The following PHF24 variants were observed in gnomAD, a reference collection of about 807,000 sequenced individuals.
PHF24 encodes the protein Galpha inhibitory interacting protein.
A neutral mutation model predicts 42.6 loss-of-function variants in PHF24; 25 were observed. The ratio of observed to expected loss-of-function variants is 0.59; its 90% CI spans 0.43 to 0.82. The LOEUF is 0.82. PHF24 is among the 40% of genes least tolerant of loss of function. The pLI is 0.00. For missense variants in PHF24, 470 were observed against 538.1 expected (o/e 0.87, Z 1.25); for synonymous variants, 185 against 204.8 (o/e 0.90, Z 0.83).
chr9:34,799,774 A>G, the PHF24 span, among the ~76,000 whole-genome samples: 1 of 152,156 alleles, frequency 6.6e-6, no homozygotes, highest in Non-Finnish European at 1.5e-5. Flanking sequence ...AATAAGAGTC[A>G]CTATATCATA....
At chr9:34,763,206 T>C in the PHF24 span, among the ~76,000 whole-genome samples, 1 of 152,334 alleles carries the variant, frequency 6.6e-6, no homozygotes, top group African/African-American at 2.4e-5. Flanking sequence ...CATATGAACT[T>C]TAAAGTAGTT....
At chr9:34,823,055 G>A in the PHF24 span, among the ~76,000 whole-genome samples, 1 of 151,456 alleles carries the variant, frequency 6.6e-6, no homozygotes, top group Non-Finnish European at 1.5e-5. Context: ...AATTAGCCGG[G>A]CGCGGTGGCG....
the PHF24 span, chr9:34,832,702 G>C: frequency 1.3e-6 from 2 of 1,544,420 alleles, no homozygotes; most frequent in Non-Finnish European, 1.8e-6. Flanking sequence ...GGCTTCTTTT[G>C]AGTATGGGCT....
At chr9:34,980,318 C>T (rs1469232057) in exon 8 of PHF24, 1 of 152,252 alleles carries the variant, frequency 6.6e-6, no homozygotes. Context: ...AAAGCAGCCC[C>T]AGAGTTCTTC....
chr9:34,886,779 T>TCTGTCTAC, the PHF24 span, among the ~76,000 whole-genome samples: 1 of 146,700 alleles, frequency 6.8e-6, no homozygotes. Context: ...TGTCTGTCTG[T>TCTGTCTAC]CTACTCTGTC....
At chr9:34,936,224 A>G in the PHF24 span, among the ~76,000 whole-genome samples, 1 of 152,064 alleles carries the variant, frequency 6.6e-6, no homozygotes, top group East Asian at 1.9e-4. Context: ...GCGCGCCGCC[A>G]CGCCTGACTG....
chr9:34,785,926 C>A, the PHF24 span, among the ~76,000 whole-genome samples: 4 of 152,074 alleles, frequency 2.6e-5, no homozygotes, highest in Admixed American at 6.5e-5. Context: ...TATGAGATAT[C>A]AAGGAAAAAT....
chr9:34,832,838 G>A, the PHF24 span: 1 of 1,551,678 alleles, frequency 6.4e-7, no homozygotes, highest in Non-Finnish European at 8.7e-7. Context: ...GGTATTCTCA[G>A]GAATTGTTGC....
chr9:34,696,578 A>G, the PHF24 span, among the ~76,000 whole-genome samples: 2 of 152,002 alleles, frequency 1.3e-5, no homozygotes, highest in Admixed American at 6.5e-5. Flanking sequence ...CACATGACAG[A>G]TATGGCTGAG....
chr9:34,976,185 A>G, exon 4 of PHF24: 2 of 1,614,114 alleles, frequency 1.2e-6, no homozygotes, highest in Middle Eastern at 1.6e-4. Context: ...TGAGGAGGAA[A>G]TGTATAGCCT....
At chr9:34,976,942 A>G (rs1243719897) in intron 5 of PHF24, 141 bp from the exon 6 acceptor site, 48 of 1,018,714 alleles carry the variant, frequency 4.7e-5, no homozygotes, top group Non-Finnish European at 6.8e-5. Flanking sequence ...CCTGGGCCGC[A>G]CTGGAAGTGC....
At chr9:34,788,279 G>A in the PHF24 span, among the ~76,000 whole-genome samples, 1 of 152,194 alleles carries the variant, frequency 6.6e-6, no homozygotes, top group Non-Finnish European at 1.5e-5. Flanking sequence ...CTAAGCTCAA[G>A]TGATCCTTCC....
At chr9:34,943,366 A>G in the PHF24 span, among the ~76,000 whole-genome samples, 1 of 152,182 alleles carries the variant, frequency 6.6e-6, no homozygotes, top group Non-Finnish European at 1.5e-5. Context: ...GGGTTACTCT[A>G]ATATCTAAGT....
At chr9:34,675,513 G>C in the PHF24 span, among the ~76,000 whole-genome samples, 1 of 152,222 alleles carries the variant, frequency 6.6e-6, no homozygotes, top group Non-Finnish European at 1.5e-5. Flanking sequence ...AGTCCAGCTG[G>C]AGGGGCAGAG....
At chr9:34,840,510 TTCC>T in the PHF24 span, among the ~76,000 whole-genome samples, 2 of 147,606 alleles carry the variant, frequency 1.4e-5, no homozygotes, top group African/African-American at 5.0e-5. Flanking sequence ...CCTTCCTTCC[TTCC>T]TCCTCCTCTT....
chr9:34,837,813 A>T, the PHF24 span: 2 of 706,184 alleles, frequency 2.8e-6, 1 homozygote, highest in South Asian at 3.5e-5. Context: ...TCTGTATTTT[A>T]TACGCTTTCC....
the PHF24 span, among the ~76,000 whole-genome samples, chr9:34,899,211 C>G: frequency 6.6e-6 from 1 of 152,204 alleles, no homozygotes; most frequent in African/African-American, 2.4e-5. Context: ...GGGAGATGAA[C>G]TACACGAAAA....
the PHF24 span, among the ~76,000 whole-genome samples, chr9:34,938,125 TGAA>T: frequency 6.6e-6 from 1 of 152,188 alleles, no homozygotes; most frequent in South Asian, 2.1e-4. Flanking sequence ...TTTTGTTTAA[TGAA>T]GAAGAGGAAG....
chr9:34,971,144 T>G (rs1333231953), intron 1 of PHF24, among the ~76,000 whole-genome samples, 151 bp from the exon 2 acceptor site: 1 of 152,184 alleles, frequency 6.6e-6, no homozygotes, highest in Non-Finnish European at 1.5e-5. Flanking sequence ...AACCAACATC[T>G]TCTGATCCTT....
Sources: allele counts gnomAD v4.1 joint callset (sites outside exome capture counted in the v4.1 genomes callset), GRCh38; gene constraint gnomAD v4.1.1; transcripts MANE v1.5; gene names NCBI Gene and HGNC (gene_info 2026-07-23, HGNC 2026-07-21).